Variants in SPINK8 observed in about 807,000 individuals in gnomAD.
SPINK8 encodes serine peptidase inhibitor Kazal type 8 (putative).
Under a neutral mutation model 14.4 loss-of-function variants are expected in SPINK8, and 12 were observed. The ratio of observed to expected loss-of-function variants is 0.83; its 90% CI spans 0.53 to 1.35. The LOEUF (loss-of-function observed/expected upper bound fraction) is 1.35, where lower values mean the gene tolerates loss of function less well. Ranked by LOEUF, SPINK8 falls within the 40% of genes most tolerant of loss-of-function variation. The pLI is 0.00. For synonymous variants in SPINK8, 32 were observed against 37.6 expected (o/e 0.85, Z 0.55); for missense variants, 103 against 117.0 (o/e 0.88, Z 0.55).
At chr3:48,310,950 A>G (rs2035917354) in intron 6 of SPINK8, among the ~76,000 whole-genome samples, 1 of 152,212 alleles carries the variant, frequency 6.6e-6, no homozygotes, top group South Asian at 2.1e-4. Flanking sequence ...AAAACTATAG[A>G]CCAATATCCC....
intron 7 of SPINK8, among the ~76,000 whole-genome samples, chr3:48,307,544 C>G (rs1419127266): frequency 6.8e-6 from 1 of 147,986 alleles, no homozygotes; most frequent in African/African-American, 2.6e-5. Flanking sequence ...GCCCCCCACC[C>G]CCCCACCTCT....
chr3:48,324,376 A>T (rs2036112622), intron 4 of SPINK8, among the ~76,000 whole-genome samples: 1 of 152,168 alleles, frequency 6.6e-6, no homozygotes, highest in African/African-American at 2.4e-5. Flanking sequence ...CAGTTTTTAG[A>T]GTATTCCTTA....
chr3:48,317,140 A>G (rs150890115), intron 6 of SPINK8, among the ~76,000 whole-genome samples: 171 of 152,366 alleles, frequency 1.1e-3, no homozygotes, highest in African/African-American at 4.0e-3. Context: ...TAAAGCTGTA[A>G]TTTGTATAAC....
intron 4 of SPINK8, among the ~76,000 whole-genome samples, chr3:48,322,817 T>G (rs2036093002): frequency 1.3e-5 from 2 of 152,242 alleles, no homozygotes; most frequent in Non-Finnish European, 2.9e-5. Flanking sequence ...CACATTTTAT[T>G]TATCCATTAA....
chr3:48,306,997 A>G lies in SPINK8; in HGVS notation c.289T>C (p.Ser97Pro). The G allele has an allele frequency of 1.9e-6, 3 of 1,613,354 alleles. No homozygotes were observed. Among genetic ancestry groups the G allele is most frequent in the South Asian group, 1.1e-5 (1 of 90,892 alleles). The change falls in exon 8 of 8, where the codon TCT (serine) becomes CCT (proline). Residue 97 changes from serine (S) to proline (P), a missense_variant. Coordinates refer to ENST00000434006, the MANE Select transcript of SPINK8 (RefSeq NM_001080525.3). ...TATAATTCTTTGTCGTACGTTCAAG[A>G]GTTTTCCTGCAAGAGAAGTATCTGC... ...TKLYDGQCEN[S>P]
At chr3:48,308,176 G>A (rs1276157857) in intron 7 of SPINK8, among the ~76,000 whole-genome samples, 5 of 151,342 alleles carry the variant, frequency 3.3e-5, no homozygotes, top group African/African-American at 1.2e-4. Context: ...GGGTTTCACC[G>A]TGTTAGCCAG....
chr3:48,318,332 G>A (rs2036022344), intron 6 of SPINK8, among the ~76,000 whole-genome samples: 1 of 152,076 alleles, frequency 6.6e-6, no homozygotes, highest in Non-Finnish European at 1.5e-5. Flanking sequence ...GTAGAGACGG[G>A]ATTTCATCAT....
At chr3:48,310,932 C>T (rs183423414) in intron 6 of SPINK8, among the ~76,000 whole-genome samples, 103 of 152,290 alleles carry the variant, frequency 6.8e-4, no homozygotes, top group Middle Eastern at 3.4e-3. Context: ...AAAGACATCA[C>T]ATAAAGGAAA....
chr3:48,330,976 C>G (rs866987473), intron 2 of SPINK8, among the ~76,000 whole-genome samples: 4 of 151,846 alleles, frequency 2.6e-5, no homozygotes, highest in South Asian at 4.2e-4. Flanking sequence ...GGGAGGGGTG[C>G]CTTTGATGTC....
At chr3:48,319,324 T>C (rs2036036934) in intron 6 of SPINK8, among the ~76,000 whole-genome samples, 173 bp downstream of exon 6, 1 of 152,154 alleles carries the variant, frequency 6.6e-6, no homozygotes, top group South Asian at 2.1e-4. Context: ...GGATCACATG[T>C]ACCTTTTGAG....
At chr3:48,333,231 C>T (rs1351655299) in intron 1 of SPINK8, among the ~76,000 whole-genome samples, 1 of 152,162 alleles carries the variant, frequency 6.6e-6, no homozygotes, top group Non-Finnish European at 1.5e-5. Flanking sequence ...ATTTATACTT[C>T]CCTTGGAGGG....
intron 6 of SPINK8, among the ~76,000 whole-genome samples, chr3:48,311,825 A>G (rs2035927588): frequency 1.3e-5 from 2 of 152,220 alleles, no homozygotes; most frequent in African/African-American, 4.8e-5. Flanking sequence ...CAATCTACAG[A>G]TTCAATGAAA....
intron 7 of SPINK8, among the ~76,000 whole-genome samples, chr3:48,307,545 C>T (rs778102988): frequency 6.8e-6 from 1 of 147,550 alleles, no homozygotes. Flanking sequence ...CCCCCCACCC[C>T]CCCACCTCTT....
intron 6 of SPINK8, among the ~76,000 whole-genome samples, chr3:48,317,809 C>T (rs1211265960): frequency 2.0e-5 from 3 of 152,246 alleles, no homozygotes; most frequent in Non-Finnish European, 4.4e-5. Flanking sequence ...TGCAGTGGCA[C>T]GATCATGGCT....
intron 6 of SPINK8, among the ~76,000 whole-genome samples, chr3:48,313,619 T>C (rs917833175): frequency 6.6e-6 from 1 of 152,220 alleles, no homozygotes; most frequent in Non-Finnish European, 1.5e-5. Flanking sequence ...CCTAGGTATA[T>C]AACCAGAAGG....
intron 6 of SPINK8, among the ~76,000 whole-genome samples, chr3:48,315,422 T>C (rs528086390): frequency 1.0e-3 from 153 of 152,256 alleles, no homozygotes; most frequent in Admixed American, 2.2e-3. Context: ...GCTATTTTAC[T>C]TATGTTTAAA....
chr3:48,327,974 T>A (rs7653336), intron 4 of SPINK8, among the ~76,000 whole-genome samples: 32,536 of 152,178 alleles, frequency 0.21, 4,302 homozygotes, highest in South Asian at 0.3. Context: ...TTTTTTTGAT[T>A]TGAGATATGT....
At chr3:48,316,800 A>T (rs1379665168) in intron 6 of SPINK8, among the ~76,000 whole-genome samples, 1 of 152,174 alleles carries the variant, frequency 6.6e-6, no homozygotes, top group Non-Finnish European at 1.5e-5. Flanking sequence ...TAAAAGAAAA[A>T]TAAAAAAAGA....
intron 4 of SPINK8, among the ~76,000 whole-genome samples, chr3:48,321,331 G>GT (rs1185960065): frequency 3.3e-5 from 5 of 151,672 alleles, no homozygotes; most frequent in Admixed American, 6.6e-5. Flanking sequence ...ATCCTTGTCA[G>GT]TTTTTTTTAG....
Sources: allele counts gnomAD v4.1 joint callset (sites outside exome capture counted in the v4.1 genomes callset), GRCh38; gene constraint gnomAD v4.1.1; transcripts MANE v1.5; gene names NCBI Gene and HGNC (gene_info 2026-07-23, HGNC 2026-07-21).